TPD52L1: variants seen among roughly 807,000 people sequenced by gnomAD.
The protein encoded by TPD52L1 is TPD52 like 1, also known as tumor protein D53.
Under a neutral mutation model 28.7 loss-of-function variants are expected in TPD52L1, and 18 were observed. The ratio of observed to expected loss-of-function variants is 0.63; its 90% CI spans 0.43 to 0.93. The LOEUF is 0.93. Among genes scored for constraint, TPD52L1 ranks in the 40% least tolerant of loss-of-function variants. The probability of loss-of-function intolerance (pLI) is 0.00; values close to 1 mark genes in which losing one functional copy is unlikely to be tolerated. For synonymous variants in TPD52L1, 75 were observed against 88.8 expected (o/e 0.84, Z 0.88); for missense variants, 203 against 254.8 (o/e 0.80, Z 1.39).
In TPD52L1 at chr6:125,154,000, A is replaced by G. The variant is rs180952965; in HGVS notation, c.19+30A>G. On this transcript the variant is annotated intron_variant, in intron 1 of 6. Coordinates refer to ENST00000534000, the MANE Select transcript of TPD52L1 (RefSeq NM_003287.4). ...GTGGTCGCCGATCGCCCCGAGAGTC[A>G]GGTCCTGGGGCGCGCATAAAGGCTC... The G allele has an allele frequency of 3.0e-4, 485 of 1,598,272 alleles. 3 individuals carry two copies. In the African/African-American group the frequency reaches 5.7e-3, roughly 19 times the overall value.
intron 6 of TPD52L1, 150 bp downstream of exon 6, chr6:125,257,308 A>T: frequency 1.7e-6 from 1 of 581,018 alleles, no homozygotes; most frequent in Admixed American, 3.2e-5. Flanking sequence ...TATGAATAAA[A>T]CCACTATTGA....
At position 125,175,512 on chromosome 6, in the gene TPD52L1, A is replaced by T. The variant is rs568156028; in HGVS notation, c.19+21542A>T. ...AGAGTCCAAGTGTGTCAACATAAAG[A>T]TAGAATCTAGGGTAGAACTAAGTTA... On this transcript the variant is annotated intron_variant, in intron 1 of 6. Coordinates refer to ENST00000534000, the MANE Select transcript of TPD52L1 (RefSeq NM_003287.4). Among the ~76,000 whole-genome samples the T allele has an allele frequency of 3.3e-5, 5 of 152,286 alleles. No homozygotes were observed. The East Asian group carries it at 9.7e-4, about 29-fold the overall frequency.
At chr6:125,229,726 T>C (rs73771287) in intron 3 of TPD52L1, among the ~76,000 whole-genome samples, 2,514 of 152,340 alleles carry the variant, frequency 0.017, 79 homozygotes, top group African/African-American at 0.058. Context: ...CCTTGTACTT[T>C]TCATCTTTTG....
intron 1 of TPD52L1, among the ~76,000 whole-genome samples, chr6:125,199,617 G>A (rs548463733): frequency 1.3e-5 from 2 of 152,174 alleles, no homozygotes; most frequent in East Asian, 1.9e-4. Context: ...CCTGGGAGGC[G>A]GAGGTTGCAG....
At chr6:125,247,095 A>G (rs1049186755) in intron 3 of TPD52L1, among the ~76,000 whole-genome samples, 2 of 151,982 alleles carry the variant, frequency 1.3e-5, no homozygotes, top group Admixed American at 1.3e-4. Context: ...CATACTTAGG[A>G]CTGGATGACT....
At chr6:125,219,697 A>G (rs1795100695) in intron 1 of TPD52L1, 2 of 292,866 alleles carry the variant, frequency 6.8e-6, no homozygotes, top group Non-Finnish European at 1.3e-5. Flanking sequence ...GGGGCCTACA[A>G]TTTACACAGG....
intron 1 of TPD52L1, among the ~76,000 whole-genome samples, chr6:125,206,404 G>A (rs536098328): frequency 3.3e-5 from 5 of 152,162 alleles, no homozygotes; most frequent in Admixed American, 2.0e-4. Context: ...TATATAATGA[G>A]ATGAAAAAAT....
intron 5 of TPD52L1, among the ~76,000 whole-genome samples, chr6:125,254,282 C>A (rs1198550714): frequency 1.3e-5 from 2 of 152,136 alleles, no homozygotes; most frequent in East Asian, 3.8e-4. Flanking sequence ...CAGATAAAAA[C>A]TGGTGAGAAA....
chr6:125,252,371 TTATA>T (rs554597599), intron 4 of TPD52L1: 114 of 256,074 alleles, frequency 4.5e-4, no homozygotes, highest in African/African-American at 2.4e-3. Context: ...AGATTGAAAG[TTATA>T]TATGTTTTCT....
At chr6:125,160,578 T>C (rs1790452645) in intron 1 of TPD52L1, among the ~76,000 whole-genome samples, 1 of 152,174 alleles carries the variant, frequency 6.6e-6, no homozygotes, top group East Asian at 1.9e-4. Context: ...TAAGTGAGCA[T>C]GTAACTTAAA....
Position 125,258,794 on chromosome 6 carries a change from T to C in TPD52L1, c.486+1636T>C, listed in dbSNP as rs1797750170. On this transcript the variant is annotated intron_variant, in intron 6 of 6. Transcript: ENST00000534000. Reference sequence around the variant, plus strand: ...ATAACTAACCCAGCCCACTAGATACTAGCCTTTGTGAAGACCTCCTGAAAG... The same window carrying C: ...ATAACTAACCCAGCCCACTAGATACCAGCCTTTGTGAAGACCTCCTGAAAG... Among the ~76,000 whole-genome samples the C allele has an allele frequency of 2.0e-5, 3 of 152,096 alleles. No homozygotes were observed. The South Asian group carries it at 6.2e-4, about 32-fold the overall frequency.
intron 5 of TPD52L1, among the ~76,000 whole-genome samples, chr6:125,256,340 A>G (rs1269969935): frequency 2.0e-5 from 3 of 152,004 alleles, no homozygotes; most frequent in Non-Finnish European, 4.4e-5. Flanking sequence ...ACAGAACGAG[A>G]CTATCAAAAA....
Position 125,176,759 on chromosome 6 carries a change from G to C in TPD52L1, c.19+22789G>C, listed in dbSNP as rs563898581. On this transcript the variant is annotated intron_variant, in intron 1 of 6. Transcript: ENST00000534000. ...ATTATTAAACTATCTCTGGCAGCCT[G>C]ATGTGGTGACTCACACCTGTAATCC... Among the ~76,000 whole-genome samples, 41 of 152,302 alleles carry C rather than the reference G, an allele frequency of 2.7e-4. 2 individuals are homozygous for C. In the South Asian group the frequency reaches 8.3e-3, roughly 31 times the overall value.
At chr6:125,162,675 C>T (rs1299832873) in intron 1 of TPD52L1, among the ~76,000 whole-genome samples, 1 of 152,126 alleles carries the variant, frequency 6.6e-6, no homozygotes, top group Non-Finnish European at 1.5e-5. Flanking sequence ...ACAAGTTATT[C>T]ATTTCACTCA....
chr6:125,225,833 C>T (rs1008196618), intron 2 of TPD52L1, among the ~76,000 whole-genome samples: 8 of 152,120 alleles, frequency 5.3e-5, no homozygotes, highest in Admixed American at 2.6e-4. Flanking sequence ...CTGGCTCCAC[C>T]AAATCTAAGG....
chr6:125,246,823 TC>T (rs1466869848), intron 3 of TPD52L1, among the ~76,000 whole-genome samples: 2 of 151,784 alleles, frequency 1.3e-5, no homozygotes, highest in African/African-American at 4.8e-5. Flanking sequence ...ACCAGATTCT[TC>T]CTTGACCCTT....
intron 6 of TPD52L1, among the ~76,000 whole-genome samples, chr6:125,257,379 A>T (rs1797670267): frequency 6.6e-6 from 1 of 152,252 alleles, no homozygotes; most frequent in Non-Finnish European, 1.5e-5. Context: ...ATTGTTCATT[A>T]AAGTGAATTG....
intron 3 of TPD52L1, among the ~76,000 whole-genome samples, chr6:125,233,414 A>G (rs1308462861): frequency 1.3e-5 from 2 of 152,136 alleles, no homozygotes; most frequent in African/African-American, 2.4e-5. Context: ...TTGTAGCACT[A>G]TTGAGTTCAG....
At chr6:125,252,088 T>A (rs1430687492) in intron 4 of TPD52L1, 4 of 1,533,366 alleles carry the variant, frequency 2.6e-6, no homozygotes, top group Non-Finnish European at 2.6e-6. Context: ...TTGCTGCCCC[T>A]TTGCTTTCCA....
Sources: gnomAD v4.1 joint callset for allele counts (sites outside exome capture counted in the v4.1 genomes callset) on GRCh38, gnomAD v4.1.1 for gene constraint, MANE v1.5 for transcripts, NCBI Gene and HGNC (gene_info 2026-07-23, HGNC 2026-07-21) for gene names.